RIT2: variants seen among roughly 807,000 people sequenced by gnomAD.
RIT2 encodes GTP-binding protein Rit2.
In RIT2, 24 loss-of-function variants were observed where a neutral mutation model predicts 23.7. That is an observed-to-expected ratio of 1.01 (90% CI 0.73 to 1.43). The LOEUF is 1.43. Among genes scored for constraint, RIT2 ranks in the 40% most tolerant of loss-of-function variants. The pLI is 0.00. For synonymous variants in RIT2, 107 were observed against 91.1 expected, an observed-to-expected ratio of 1.17 and a Z score of -0.99; for missense variants, 236 against 266.9, an observed-to-expected ratio of 0.88 and a Z score of 0.81.
At chr18:43,066,834 T>C (rs1446742285) in intron 1 of RIT2, among the ~76,000 whole-genome samples, 1 of 151,728 alleles carries the variant, frequency 6.6e-6, no homozygotes, top group Non-Finnish European at 1.5e-5. Flanking sequence ...AAGGACAGCA[T>C]GGATCAATGT....
intron 4 of RIT2, among the ~76,000 whole-genome samples, chr18:42,755,088 A>C (rs1355110081): frequency 6.6e-6 from 1 of 152,110 alleles, no homozygotes; most frequent in Non-Finnish European, 1.5e-5. Flanking sequence ...CATGAAAGGC[A>C]CTTATAGAGT....
chr18:42,956,437 A>G (rs963010161), intron 3 of RIT2, among the ~76,000 whole-genome samples: 1 of 152,152 alleles, frequency 6.6e-6, no homozygotes, highest in East Asian at 1.9e-4. Flanking sequence ...ACCTCCATGG[A>G]CTATTTGGGC....
chr18:42,797,932 G>T (rs1338431875), intron 4 of RIT2, among the ~76,000 whole-genome samples: 1 of 152,114 alleles, frequency 6.6e-6, no homozygotes, highest in Non-Finnish European at 1.5e-5. Context: ...CACTGTTCTT[G>T]GCTGATTCTC....
intron 1 of RIT2, among the ~76,000 whole-genome samples, chr18:43,100,542 A>G (rs1913659213): frequency 6.6e-6 from 1 of 152,184 alleles, no homozygotes; most frequent in South Asian, 2.1e-4. Flanking sequence ...GTAGGAGACA[A>G]TTGAAACATG....
intron 1 of RIT2, among the ~76,000 whole-genome samples, chr18:43,056,259 G>C (rs1912500270): frequency 6.6e-6 from 1 of 151,876 alleles, no homozygotes; most frequent in Non-Finnish European, 1.5e-5. Context: ...AAAAGTCACT[G>C]ACAAAAACAA....
intron 1 of RIT2, among the ~76,000 whole-genome samples, chr18:43,058,177 T>C (rs976863125): frequency 1.3e-5 from 2 of 152,126 alleles, no homozygotes; most frequent in African/African-American, 4.8e-5. Context: ...ATAGTAATGT[T>C]GATGTGTCCT....
intron 4 of RIT2, among the ~76,000 whole-genome samples, chr18:42,865,677 T>C (rs1411117507): frequency 2.0e-5 from 3 of 152,168 alleles, no homozygotes; most frequent in African/African-American, 7.2e-5. Flanking sequence ...TTTTATGAAC[T>C]TCAGAATTGG....
rs116272523 is a variant in RIT2 at position 42,752,820 on chromosome 18, A to T, written c.427-9100T>A. ...GGGGTAAGAAGCAATTGATGCAGAT[A>T]TCATTATACCACAGTGCCCCTCAAC... On this transcript the variant is annotated intron_variant, in intron 4 of 4. Coordinates refer to ENST00000326695, the MANE Select transcript of RIT2 (RefSeq NM_002930.4). 6.9e-3 allele frequency among the ~76,000 whole-genome samples: 1,048 copies of T among 152,318 alleles called. 11 individuals carry two copies. The highest frequency in any genetic ancestry group is 0.023 in the African/African-American group (968 of 41,560).
At chr18:42,785,648 A>G (rs1913905720) in intron 4 of RIT2, among the ~76,000 whole-genome samples, 1 of 152,100 alleles carries the variant, frequency 6.6e-6, no homozygotes. Context: ...TTTGTATTTG[A>G]GCATATGTGG....
chr18:42,850,583 C>G (rs1907026329), intron 4 of RIT2, among the ~76,000 whole-genome samples: 1 of 152,058 alleles, frequency 6.6e-6, no homozygotes, highest in Admixed American at 6.6e-5. Flanking sequence ...ATGAAAAACA[C>G]TTATAATTGA....
intron 4 of RIT2, among the ~76,000 whole-genome samples, chr18:42,770,572 C>T (rs568702420): frequency 6.6e-6 from 1 of 152,166 alleles, no homozygotes; most frequent in East Asian, 1.9e-4. Context: ...AAATATTTAC[C>T]AGATATGGAA....
intron 4 of RIT2, among the ~76,000 whole-genome samples, chr18:42,864,312 A>G (rs181717448): frequency 5.1e-4 from 78 of 152,322 alleles, no homozygotes; most frequent in Non-Finnish European, 2.5e-4. Context: ...ATGCCCCTGA[A>G]TAATTGAAAA....
intron 1 of RIT2, among the ~76,000 whole-genome samples, chr18:43,041,111 T>G (rs1327391341): frequency 6.6e-6 from 1 of 152,110 alleles, no homozygotes; most frequent in Non-Finnish European, 1.5e-5. Context: ...GTTAACTATG[T>G]GGTCATCATA....
intron 4 of RIT2, among the ~76,000 whole-genome samples, chr18:42,779,864 G>C (rs1231567346): frequency 6.6e-6 from 1 of 152,050 alleles, no homozygotes; most frequent in Non-Finnish European, 1.5e-5. Flanking sequence ...CTGTGACCTT[G>C]AGCAGGTTAC....
intron 4 of RIT2, among the ~76,000 whole-genome samples, chr18:42,820,575 TTTC>T (rs1156923706): frequency 6.6e-6 from 1 of 152,084 alleles, no homozygotes; most frequent in Non-Finnish European, 1.5e-5. Flanking sequence ...TTCCCCTGGC[TTTC>T]TTCTTAATGG....
chr18:42,843,590 G>A (rs1218218275), intron 4 of RIT2, among the ~76,000 whole-genome samples: 3 of 152,086 alleles, frequency 2.0e-5, no homozygotes, highest in African/African-American at 4.8e-5. Flanking sequence ...CCAGAACTCC[G>A]GATTCAAAGC....
intron 2 of RIT2, among the ~76,000 whole-genome samples, chr18:42,975,479 G>A (rs1233492215): frequency 6.6e-6 from 1 of 151,996 alleles, no homozygotes; most frequent in African/African-American, 2.4e-5. Context: ...TGAGAGTGTG[G>A]GATGTAGGTC....
At chr18:42,752,449 C>T (rs1387314303) in intron 4 of RIT2, among the ~76,000 whole-genome samples, 1 of 152,066 alleles carries the variant, frequency 6.6e-6, no homozygotes, top group African/African-American at 2.4e-5. Context: ...CAAATGAGGA[C>T]TTTCAGGCTC....
chr18:42,755,989 G>A (rs182410930), intron 4 of RIT2, among the ~76,000 whole-genome samples: 2 of 152,008 alleles, frequency 1.3e-5, no homozygotes, highest in African/African-American at 2.4e-5. Context: ...GATGCTGGGG[G>A]AATAGGAAGG....
Sources: gnomAD v4.1 joint callset for allele counts (sites outside exome capture counted in the v4.1 genomes callset) on GRCh38, gnomAD v4.1.1 for gene constraint, MANE v1.5 for transcripts, NCBI Gene and HGNC (gene_info 2026-07-23, HGNC 2026-07-21) for gene names.